The following MS4A6A variants were observed in gnomAD, a reference collection of about 807,000 sequenced individuals.
MS4A6A encodes the protein membrane-spanning 4-domains subfamily A member 6A.
Under a neutral mutation model 20.6 loss-of-function variants are expected in MS4A6A, and 19 were observed. That is an observed-to-expected ratio of 0.92 (90% CI 0.64 to 1.36). MS4A6A has a LOEUF of 1.36. Ranked by LOEUF, MS4A6A falls within the 40% of genes most tolerant of loss-of-function variation. MS4A6A has a pLI of 0.00. For missense variants in MS4A6A, 272 were observed against 261.1 expected (o/e 1.04, Z -0.29); for synonymous variants, 108 against 105.0 (o/e 1.03, Z -0.17).
At position 60,178,073 on chromosome 11, in the gene MS4A6A, C is replaced by T. The variant is rs190179213; in HGVS notation, c.339+187G>A. On this transcript the variant is annotated intron_variant, in intron 4 of 5. Transcript: ENST00000528851. ...TGAATGCAGACTTTGATGTAGGGTA[C>T]AATAATTGGAGAAATGTTCTCTGAA... 25 of 603,508 alleles carry T rather than the reference C, an allele frequency of 4.1e-5. 1 individual carries two copies. The highest frequency in any genetic ancestry group is 8.9e-4 in the Middle Eastern group (2 of 2,252). 37.4% of individuals were successfully genotyped at this position (603,508 alleles called of 1,614,324 possible). A position where few individuals can be genotyped will look rare whatever the true frequency, so the allele number is the denominator to read the frequency against.
At chr11:60,172,395 T>C, downstream of MS4A6A, 2 of 1,408,306 alleles carry the variant, frequency 1.4e-6, no homozygotes, top group East Asian at 2.5e-5. Context: ...CTTCAAATAA[T>C]TGCAATTTAT....
intron 4 of MS4A6A, chr11:60,177,111 A>G (rs1054093234): frequency 6.6e-6 from 1 of 152,238 alleles, no homozygotes; most frequent in Non-Finnish European, 1.5e-5. Flanking sequence ...GTACAGCTGT[A>G]GTGCATTTCC....
intron 4 of MS4A6A, among the ~76,000 whole-genome samples, chr11:60,175,942 C>G (rs1296252547): frequency 6.6e-6 from 1 of 152,146 alleles, no homozygotes; most frequent in African/African-American, 2.4e-5. Flanking sequence ...GAGCGTGACC[C>G]AAAGTGAAGG....
At position 60,172,833 on chromosome 11, in the gene MS4A6A, G is replaced by A; in HGVS notation, c.*168C>T. 1 of 1,413,284 alleles carries A rather than the reference G, an allele frequency of 7.1e-7. No individual in the cohort carries two copies. Among genetic ancestry groups the A allele is most frequent in the Non-Finnish European group, 9.3e-7 (1 of 1,080,924 alleles). The allele number at this position is 1,413,284 out of a possible 1,614,324, so 87.5% of individuals were successfully genotyped here. The stretch of plus-strand genomic sequence containing the variant: ...TCATGATTAACTATTTTCATATCCA[G>A]TGAATTTTCAGCTTATCAGCTACTC... On this transcript the variant is annotated 3_prime_UTR_variant, in exon 6 of 6. Coordinates refer to ENST00000528851, the MANE Select transcript of MS4A6A (RefSeq NM_022349.4).
chr11:60,178,093 T>C, intron 4 of MS4A6A, 167 bp downstream of exon 4: 1 of 648,606 alleles, frequency 1.5e-6, no homozygotes, highest in South Asian at 1.9e-5. Flanking sequence ...AGAAATGTTC[T>C]CTGAACAAGG....
chr11:60,172,949 A>C lies in MS4A6A; in HGVS notation c.*52T>G. ...TGACTGACTGATTGTTCCTTCTACCACTCTTGGTGACATACTCAACACAGT... is the reference window on the plus strand; with the variant it reads ...TGACTGACTGATTGTTCCTTCTACCCCTCTTGGTGACATACTCAACACAGT... On this transcript the variant is annotated 3_prime_UTR_variant, in exon 6 of 6. Transcript: ENST00000528851. 6.2e-7 allele frequency: 1 copy of C among 1,607,528 alleles called. No individual in the cohort carries two copies. Among genetic ancestry groups the C allele is most frequent in the African/African-American group, 1.3e-5 (1 of 74,762 alleles).
In MS4A6A at chr11:60,175,533, C is replaced by G. The variant is rs768024458; in HGVS notation, c.418G>C (p.Ala140Pro). 8.1e-6 allele frequency: 13 copies of G among 1,614,116 alleles called. No homozygotes were observed. The highest frequency in any genetic ancestry group is 1.1e-5 in the South Asian group (1 of 91,076). The change falls in exon 5 of 6, where the codon GCC (alanine) becomes CCC (proline). Residue 140 changes from alanine to proline, a missense_variant. Ala to Pro is a conservative substitution (Grantham distance 27, BLOSUM62 -1). Transcript: ENST00000528851. ...VGFIILSVKQ[A>P]TLNPASLQCE... ...TGCAGTGAGGCAGGATTTAAGGTGG[C>G]CTGTTTGACAGACAGGATAATGAAA...
intron 2 of MS4A6A, 59 bp downstream of exon 2, chr11:60,181,520 CAT>C (rs1857132635): frequency 6.3e-7 from 1 of 1,590,856 alleles, no homozygotes; most frequent in Non-Finnish European, 8.6e-7. Flanking sequence ...AGTCCCAAGA[CAT>C]ATATCATCTC....
intron 2 of MS4A6A, 55 bp downstream of exon 2, chr11:60,181,526 T>C: frequency 6.3e-7 from 1 of 1,596,332 alleles, no homozygotes; most frequent in South Asian, 1.1e-5. Context: ...AAGACATATA[T>C]CATCTCTTGG....
chr11:60,178,528 T>C (rs1313936961), intron 3 of MS4A6A, among the ~76,000 whole-genome samples: 1 of 151,800 alleles, frequency 6.6e-6, no homozygotes, highest in Non-Finnish European at 1.5e-5. Flanking sequence ...AAATATATCC[T>C]AATAAACAAA....
intron 4 of MS4A6A, chr11:60,177,495 T>C (rs1460938700): frequency 6.6e-6 from 1 of 152,160 alleles, no homozygotes; most frequent in Non-Finnish European, 1.5e-5. Context: ...CCAGGCTTTG[T>C]CTCCCTGCCA....
At chr11:60,177,437 C>A (rs929134467) in intron 4 of MS4A6A, 1 of 151,946 alleles carries the variant, frequency 6.6e-6, no homozygotes, top group South Asian at 2.1e-4. Flanking sequence ...ATGGATTGAG[C>A]GAAGACTTAA....
At chr11:60,179,511 T>C (rs1209100207) in intron 3 of MS4A6A, 11 of 581,714 alleles carry the variant, frequency 1.9e-5, no homozygotes, top group Admixed American at 1.2e-4. Context: ...TTGTATAAAA[T>C]GTTCCTTCCC....
At chr11:60,182,077 T>C (rs962925198) in intron 1 of MS4A6A, among the ~76,000 whole-genome samples, 19 of 152,212 alleles carry the variant, frequency 1.2e-4, no homozygotes, top group African/African-American at 4.3e-4. Context: ...ACAACTGTAT[T>C]GCCATATATT....
Position 60,179,949 on chromosome 11 carries a change from C to A in MS4A6A, c.164G>T (p.Cys55Phe). 2 of 1,614,078 alleles carry A rather than the reference C, an allele frequency of 1.2e-6. No individual in the cohort carries two copies. The highest frequency in any genetic ancestry group is 1.7e-6 in the Non-Finnish European group (2 of 1,179,994). The stretch of plus-strand genomic sequence containing the variant: ...CCCCAAGCTCAATACCATCATGCCA[C>A]ACAAGATCTGGATAGTCTGTGGGAA... ...IKVIGTIQILCGMMVLSLGII... is the reference protein window; with the variant it reads ...IKVIGTIQILFGMMVLSLGII... Residue 55 changes from cysteine to phenylalanine, a missense_variant, in exon 3 of 6, where the codon TGT becomes TTT. Physicochemically the swap from Cys to Phe is radical, Grantham distance 205. Coordinates refer to ENST00000528851, the MANE Select transcript of MS4A6A (RefSeq NM_022349.4).
chr11:60,171,697 A>G (rs1390217658), downstream of MS4A6A, among the ~76,000 whole-genome samples: 1 of 152,202 alleles, frequency 6.6e-6, no homozygotes, highest in Non-Finnish European at 1.5e-5. Flanking sequence ...TAATGAGTTA[A>G]AATACATAGG....
At chr11:60,175,220 C>T (rs1856771051) in intron 5 of MS4A6A, among the ~76,000 whole-genome samples, 182 bp downstream of exon 5, 1 of 152,200 alleles carries the variant, frequency 6.6e-6, no homozygotes, top group South Asian at 2.1e-4. Flanking sequence ...TTCAATTCCA[C>T]TCTATTAGTA....
At chr11:60,175,251 C>T in intron 5 of MS4A6A, 151 bp downstream of exon 5, 2 of 611,008 alleles carry the variant, frequency 3.3e-6, no homozygotes, top group South Asian at 2.0e-5. Flanking sequence ...TTAATCTCAT[C>T]CCTGTAGTCC....
downstream of MS4A6A, chr11:60,172,489 C>A: frequency 1.6e-6 from 2 of 1,234,232 alleles, no homozygotes; most frequent in South Asian, 2.7e-5. Context: ...GCCATAAGTC[C>A]ATAGGGGTTT....
Sources: allele counts gnomAD v4.1 joint callset (sites outside exome capture counted in the v4.1 genomes callset), GRCh38; gene constraint gnomAD v4.1.1; transcripts MANE v1.5; gene names NCBI Gene and HGNC (gene_info 2026-07-23, HGNC 2026-07-21).